Variants in KDM4D observed in about 807,000 individuals in gnomAD.
The protein encoded by KDM4D is lysine demethylase 4D, also known as lysine-specific demethylase 4D.
For missense variants in KDM4D, 427 were observed against 674.8 expected (o/e 0.63, Z 4.07); for synonymous variants, 254 against 249.1 (o/e 1.02, Z -0.19).
At chr11:94,984,273 T>C (rs1259010561) in intron 2 of KDM4D, among the ~76,000 whole-genome samples, 4 of 152,032 alleles carry the variant, frequency 2.6e-5, no homozygotes, top group Admixed American at 6.6e-5. Context: ...AGCTGGCAGA[T>C]TGCTTGAGCT....
At chr11:94,994,481 A>G (rs967968530) in intron 2 of KDM4D, among the ~76,000 whole-genome samples, 2 of 152,130 alleles carry the variant, frequency 1.3e-5, no homozygotes, top group Non-Finnish European at 2.9e-5. Context: ...AGAGAAAGAA[A>G]GTTAAGAGGG....
At chr11:94,977,403 C>T (rs1590963710) in intron 2 of KDM4D, among the ~76,000 whole-genome samples, 1 of 152,138 alleles carries the variant, frequency 6.6e-6, no homozygotes, top group East Asian at 1.9e-4. Context: ...TTGACCTCAT[C>T]ACTTGCTCAT....
At chr11:94,976,212 C>T (rs188241074) in intron 2 of KDM4D, among the ~76,000 whole-genome samples, 46 of 152,070 alleles carry the variant, frequency 3.0e-4, no homozygotes, top group Non-Finnish European at 5.4e-4. Context: ...CTAGTTTGGC[C>T]CTTAATTCTG....
chr11:94,978,784 T>C (rs1222755925), intron 2 of KDM4D, among the ~76,000 whole-genome samples: 1 of 152,214 alleles, frequency 6.6e-6, no homozygotes, highest in Admixed American at 6.5e-5. Flanking sequence ...TGTAGCAATG[T>C]TAGTTAGCAA....
Position 94,998,511 on chromosome 11 carries a change from A to C in KDM4D, c.1139A>C (p.His380Pro). The C allele has an allele frequency of 5.0e-6, 8 of 1,612,398 alleles. No homozygotes were observed. Among genetic ancestry groups the C allele is most frequent in the Non-Finnish European group, 6.8e-6 (8 of 1,179,988 alleles). ...CTGGGCCTGAGACAACTCCCTTCCC[A>C]CTGGGCCCGGCATTCCCCTTGGCCT... ...AALGLRQLPS[H>P]WARHSPWPMA... The change falls in exon 3 of 3, where the codon CAC becomes CCC. Residue 380 changes from histidine (H) to proline (P), a missense_variant. Transcript: ENST00000335080. The surrounding 1 kb of genome is among the most constrained non-coding windows in gnomAD (Gnocchi z 6.7).
At chr11:94,978,635 C>T (rs1485167329) in intron 2 of KDM4D, among the ~76,000 whole-genome samples, 2 of 152,064 alleles carry the variant, frequency 1.3e-5, no homozygotes, top group Admixed American at 6.6e-5. Context: ...CACATAAATA[C>T]CTCACCAGCT....
In KDM4D at chr11:94,999,073, G is replaced by A. The variant is rs1801820150; in HGVS notation, c.*129G>A. ...GCATGCATGAAAGAGCCCCCCTGGT[G>A]ATGCCCTTGGATGCTGCCAAGTCCA... On this transcript the variant is annotated 3_prime_UTR_variant, in exon 3 of 3. Transcript: ENST00000335080. The A allele has an allele frequency of 1.3e-6, 1 of 785,592 alleles. No individual in the cohort carries two copies. Among genetic ancestry groups the A allele is most frequent in the African/African-American group, 1.7e-5 (1 of 57,184 alleles). The allele number at this position is 785,592 out of a possible 1,614,324, so 48.7% of individuals were successfully genotyped here.
chr11:94,997,151 C>T lies in KDM4D; in HGVS notation c.-222C>T, dbSNP rs1283251783. 5 of 411,112 alleles carry T rather than the reference C, an allele frequency of 1.2e-5. No homozygotes were observed. The highest frequency in any genetic ancestry group is 1.0e-4 in the African/African-American group (5 of 48,434). 25.5% of individuals were successfully genotyped at this position (411,112 alleles called of 1,614,324 possible). ...AAACATAACAGAGTTGCAGGATCAGCTAACGTCAATGCCTGGGCAAAGCTG... is the reference window on the plus strand; with the variant it reads ...AAACATAACAGAGTTGCAGGATCAGTTAACGTCAATGCCTGGGCAAAGCTG... On this transcript the variant is annotated 5_prime_UTR_variant, in exon 3 of 3. Coordinates refer to ENST00000335080, the MANE Select transcript of KDM4D (RefSeq NM_018039.3).
intron 2 of KDM4D, among the ~76,000 whole-genome samples, chr11:94,979,425 T>TCAC (rs1267985180): frequency 2.0e-5 from 3 of 152,082 alleles, no homozygotes; most frequent in Non-Finnish European, 4.4e-5. Flanking sequence ...AGATGGAGTT[T>TCAC]CACCATGTTG....
chr11:94,979,540 A>AAAT, intron 2 of KDM4D, among the ~76,000 whole-genome samples: 1 of 152,166 alleles, frequency 6.6e-6, no homozygotes, highest in Non-Finnish European at 1.5e-5. Flanking sequence ...CAATGTGTGC[A>AAAT]TTTCTAAATG....
chr11:94,980,793 T>C (rs782688462), intron 2 of KDM4D, among the ~76,000 whole-genome samples: 6 of 152,200 alleles, frequency 3.9e-5, no homozygotes, highest in Non-Finnish European at 5.9e-5. Context: ...TGCTAAGCTC[T>C]CTTATTAATT....
Position 94,997,506 on chromosome 11 carries a change from G to T in KDM4D, c.134G>T (p.Arg45Ile), listed in dbSNP as rs782145835. 2 of 1,614,174 alleles carry T rather than the reference G, an allele frequency of 1.2e-6. No individual in the cohort carries two copies. Among genetic ancestry groups the T allele is most frequent in the Admixed American group, 1.7e-5 (1 of 60,020 alleles). Reference protein sequence around the residue: ...IAYMESQGAHRAGLAKIIPPK... With the variant: ...IAYMESQGAHIAGLAKIIPPK... ...TACATGGAATCCCAAGGTGCACACA[G>T]AGCTGGCTTGGCTAAGATAATTCCA... The change falls in exon 3 of 3, where the codon AGA becomes ATA. Residue 45 changes from arginine to isoleucine, a missense_variant. Arg to Ile is a moderately conservative substitution (Grantham distance 97). Coordinates refer to ENST00000335080, the MANE Select transcript of KDM4D (RefSeq NM_018039.3).
At chr11:94,985,705 T>C (rs1393679028) in intron 2 of KDM4D, among the ~76,000 whole-genome samples, 3 of 152,148 alleles carry the variant, frequency 2.0e-5, no homozygotes, top group African/African-American at 7.2e-5. Context: ...CTAATAGACA[T>C]TGCTAATTGC....
rs1857985945 is a variant in KDM4D at position 94,997,593 on chromosome 11, C to T, written c.221C>T (p.Pro74Leu). The T allele has an allele frequency of 1.9e-6, 3 of 1,613,546 alleles. No individual in the cohort carries two copies. Among genetic ancestry groups the T allele is most frequent in the Non-Finnish European group, 2.5e-6 (3 of 1,179,890 alleles). Residue 74 changes from proline (P) to leucine (L), a missense_variant, in exon 3 of 3, where the codon CCC (proline) becomes CTC (leucine). By Grantham distance (98) the Pro-to-Leu change is moderately conservative (BLOSUM62 -3). Coordinates refer to ENST00000335080, the MANE Select transcript of KDM4D (RefSeq NM_018039.3). Reference protein sequence around the residue: ...DNISEILIATPLQQVASGRAG... With the variant: ...DNISEILIATLLQQVASGRAG... ...ATCAGTGAAATCTTAATAGCCACTC[C>T]CCTCCAGCAGGTGGCCTCTGGGCGG... is the stretch of plus-strand genomic sequence containing the variant.
intron 2 of KDM4D, among the ~76,000 whole-genome samples, chr11:94,981,266 C>T (rs1857840176): frequency 6.6e-6 from 1 of 151,994 alleles, no homozygotes; most frequent in Non-Finnish European, 1.5e-5. Context: ...AATCAATTTG[C>T]TCAGATTTCA....
At chr11:94,979,377 G>A (rs1393747065) in intron 2 of KDM4D, among the ~76,000 whole-genome samples, 3 of 151,864 alleles carry the variant, frequency 2.0e-5, no homozygotes, top group Admixed American at 6.6e-5. Flanking sequence ...TTACAGGTGC[G>A]TGCCACCATG....
At chr11:94,974,116 CG>C (rs1182589815) in intron 1 of KDM4D, 48 bp downstream of exon 1, 1 of 152,134 alleles carries the variant, frequency 6.6e-6, no homozygotes, top group African/African-American at 2.4e-5. Context: ...AGGTTGTATT[CG>C]TAATGTTTGC....
intron 2 of KDM4D, among the ~76,000 whole-genome samples, chr11:94,996,607 T>A (rs1555099232): frequency 1.3e-5 from 2 of 152,240 alleles, no homozygotes; most frequent in Non-Finnish European, 2.9e-5. Flanking sequence ...GGTATTCTGT[T>A]GTGTGAATAT....
At position 94,997,758 on chromosome 11, in the gene KDM4D, G is replaced by T; in HGVS notation, c.386G>T (p.Arg129Leu). The T allele has an allele frequency of 1.2e-6, 2 of 1,614,202 alleles. No homozygotes were observed. Among genetic ancestry groups the T allele is most frequent in the Non-Finnish European group, 8.5e-7 (1 of 1,180,038 alleles). ...EDLERKYWKN[R>L]IYNSPIYGAD... ...TTGGAGCGAAAATACTGGAAGAACC[G>T]CATCTATAATTCACCGATTTATGGT... The change falls in exon 3 of 3, where the codon CGC becomes CTC. Residue 129 changes from arginine to leucine, a missense_variant. By Grantham distance (102) the Arg-to-Leu change is moderately radical. Coordinates refer to ENST00000335080, the MANE Select transcript of KDM4D (RefSeq NM_018039.3).
Sources: allele counts gnomAD v4.1 joint callset (sites outside exome capture counted in the v4.1 genomes callset), GRCh38; gene constraint gnomAD v4.1.1; non-coding constraint Gnocchi (gnomAD v3.1); transcripts MANE v1.5; gene names NCBI Gene and HGNC (gene_info 2026-07-23, HGNC 2026-07-21).